The following WLS variants were observed in gnomAD, a reference collection of about 807,000 sequenced individuals.
The protein encoded by WLS is Wnt ligand secretion mediator.
In WLS, 23 loss-of-function variants were observed where a neutral mutation model predicts 62.8. That is an observed-to-expected ratio of 0.37 (90% confidence interval 0.26 to 0.52). The LOEUF (loss-of-function observed/expected upper bound fraction) is 0.52. Among genes scored for constraint, WLS ranks in the 20% least tolerant of loss-of-function variants. WLS has a pLI of 0.92. For synonymous variants in WLS, 246 were observed against 244.1 expected, an observed-to-expected ratio of 1.01 and a Z score of -0.07; for missense variants, 615 against 697.3, an observed-to-expected ratio of 0.88 and a Z score of 1.33.
intron 1 of WLS, among the ~76,000 whole-genome samples, chr1:68,197,078 C>CT (rs1164551256): frequency 1.3e-5 from 2 of 152,060 alleles, no homozygotes; most frequent in Non-Finnish European, 2.9e-5. Context: ...TGAACCTAAC[C>CT]TTTTTTTCTT....
intron 6 of WLS, 69 bp downstream of exon 6, chr1:68,150,119 G>A (rs1186350235): frequency 6.6e-7 from 1 of 1,522,562 alleles, no homozygotes; most frequent in South Asian, 1.2e-5. Context: ...GCAAAGGGGG[G>A]CAGGTGTCAG....
intron 11 of WLS, among the ~76,000 whole-genome samples, chr1:68,132,116 A>G (rs948931827): frequency 1.6e-4 from 25 of 152,224 alleles, no homozygotes; most frequent in African/African-American, 5.5e-4. Flanking sequence ...AAGAATTCTA[A>G]GACTCAGAAA....
rs1033150857 is a variant in WLS at position 68,110,737 on chromosome 1, A to G, written c.1511-11984T>C. ...TGTGTATGTATATATATGTTTGTAT[A>G]TATATGTGTGTATATATATATATAT... On this transcript the variant is annotated intron_variant, in intron 11 of 11. Transcript: ENST00000354777. 7.9e-5 allele frequency among the ~76,000 whole-genome samples: 5 copies of G among 63,480 alleles called. No homozygotes were observed. In the Admixed American group the frequency reaches 9.7e-4, roughly 12 times the overall value. The allele number at this position is 63,480 out of a possible 152,430, so 41.6% of individuals were successfully genotyped here. A position where few individuals can be genotyped will look rare whatever the true frequency, so the allele number is the denominator to read the frequency against.
chr1:68,173,555 A>C (rs1170297074), intron 2 of WLS, among the ~76,000 whole-genome samples: 1 of 152,216 alleles, frequency 6.6e-6, no homozygotes, highest in Non-Finnish European at 1.5e-5. Context: ...TGGCTAATTT[A>C]ACTTAACAAC....
chr1:68,177,358 AG>A (rs1647302480), intron 2 of WLS, among the ~76,000 whole-genome samples: 1 of 152,146 alleles, frequency 6.6e-6, no homozygotes, highest in Non-Finnish European at 1.5e-5. Flanking sequence ...CTTGACCTGA[AG>A]TTAATAACCA....
chr1:68,199,847 G>C (rs1418019493), intron 1 of WLS, among the ~76,000 whole-genome samples: 1 of 152,192 alleles, frequency 6.6e-6, no homozygotes, highest in African/African-American at 2.4e-5. Flanking sequence ...AGGAGGCGGA[G>C]TGAGAGGGTA....
chr1:68,197,563 C>T (rs905618916), intron 1 of WLS, among the ~76,000 whole-genome samples: 7 of 152,106 alleles, frequency 4.6e-5, no homozygotes, highest in Non-Finnish European at 1.0e-4. Context: ...AAACAGACAT[C>T]CTGATATTCA....
chr1:68,112,275 A>T (rs182021864), intron 11 of WLS, among the ~76,000 whole-genome samples: 1 of 152,196 alleles, frequency 6.6e-6, no homozygotes, highest in Non-Finnish European at 1.5e-5. Flanking sequence ...GCTGTACAAC[A>T]GTACCTACTG....
chr1:68,207,367 A>C (rs986969821), intron 1 of WLS, among the ~76,000 whole-genome samples: 4 of 152,240 alleles, frequency 2.6e-5, no homozygotes, highest in African/African-American at 9.6e-5. Context: ...CAAGAGAGCT[A>C]AGTCTATTTA....
chr1:68,211,352 G>T (rs552310022), intron 1 of WLS, among the ~76,000 whole-genome samples: 11 of 106,470 alleles, frequency 1.0e-4, no homozygotes, highest in Admixed American at 3.8e-4. Flanking sequence ...AAAAATGACA[G>T]GTTTTTCTTA....
intron 1 of WLS, among the ~76,000 whole-genome samples, chr1:68,220,122 A>C (rs1649883683): frequency 6.6e-6 from 1 of 152,336 alleles, no homozygotes; most frequent in East Asian, 1.9e-4. Flanking sequence ...AAGAGGAAAA[A>C]CAACCCAAGT....
intron 10 of WLS, among the ~76,000 whole-genome samples, chr1:68,143,223 G>T (rs1421403657): frequency 6.6e-6 from 1 of 152,176 alleles, no homozygotes; most frequent in Non-Finnish European, 1.5e-5. Flanking sequence ...AAACTTCCCA[G>T]CAGAATGGAG....
rs1204315323 is a variant in WLS, at chr1:68,148,643, GT to G, written c.989del (p.Asn330ThrfsTer88). ...GEHMMDQHER[N>X]HIAGYWKQVG... Reference sequence around the variant, plus strand: ...CTTGCTTCCAATACCCTGCGATGTGGTTCCGCTCGTGCTGATCCTGAGGAAA... The same window carrying G: ...CTTGCTTCCAATACCCTGCGATGTGGTCCGCTCGTGCTGATCCTGAGGAAA... On this transcript the variant is annotated frameshift_variant, in exon 7 of 12. Transcript: ENST00000262348. LOFTEE classifies it high-confidence loss of function. 6.2e-7 allele frequency: 1 copy of G among 1,613,882 alleles called. No homozygotes were observed. The highest frequency in any genetic ancestry group is 1.3e-5 in the African/African-American group (1 of 74,928).
chr1:68,127,033 A>T (rs564923937), intron 11 of WLS: 123 of 362,538 alleles, frequency 3.4e-4, no homozygotes, highest in Admixed American at 1.1e-3. Flanking sequence ...TCTAAAAAAA[A>T]AATTTGTTTT....
At chr1:68,192,864 G>T (rs576897511) in intron 2 of WLS, among the ~76,000 whole-genome samples, 1 of 150,936 alleles carries the variant, frequency 6.6e-6, no homozygotes, top group South Asian at 2.1e-4. Flanking sequence ...GGAGGCCAAG[G>T]TGGGTGGATC....
intron 1 of WLS, among the ~76,000 whole-genome samples, chr1:68,231,277 C>T (rs895389398): frequency 1.3e-5 from 2 of 152,118 alleles, no homozygotes; most frequent in Non-Finnish European, 2.9e-5. Flanking sequence ...CCGGGAGGTG[C>T]ACGCCAGGGG....
intron 1 of WLS, among the ~76,000 whole-genome samples, chr1:68,212,127 A>G (rs1649539995): frequency 6.6e-6 from 1 of 152,144 alleles, no homozygotes; most frequent in South Asian, 2.1e-4. Flanking sequence ...CACCCACACA[A>G]TCTGTTCACA....
intron 5 of WLS, among the ~76,000 whole-genome samples, chr1:68,152,598 C>A (rs530170508): frequency 1.3e-5 from 2 of 152,226 alleles, no homozygotes; most frequent in East Asian, 3.9e-4. Flanking sequence ...TGTTGGTGAT[C>A]CCGTGAAAAG....
chr1:68,136,731 G>A (rs1365947439), intron 11 of WLS, among the ~76,000 whole-genome samples: 2 of 152,178 alleles, frequency 1.3e-5, no homozygotes, highest in Non-Finnish European at 2.9e-5. Flanking sequence ...TAAAGAAGAT[G>A]CTGCATTTTG....
Sources: allele counts gnomAD v4.1 joint callset (sites outside exome capture counted in the v4.1 genomes callset), GRCh38; gene constraint gnomAD v4.1.1; transcripts MANE v1.5; gene names NCBI Gene and HGNC (gene_info 2026-07-23, HGNC 2026-07-21).